TCF20: variants seen among roughly 807,000 people sequenced by gnomAD.
TCF20 encodes the protein transcription factor 20, also known as SPRE-binding protein.
In TCF20, 3 loss-of-function variants were observed where a neutral mutation model predicts 148.6. The observed-to-expected ratio is 0.02, with a 90% CI of 0.01 to 0.05. The LOEUF is 0.05. Among genes scored for constraint, TCF20 ranks in the 10% least tolerant of loss-of-function variants. The pLI, the probability that TCF20 is intolerant of heterozygous loss-of-function variation, is 1.00. For synonymous variants in TCF20, 1,049 were observed against 909.5 expected (o/e 1.15, Z -2.76); for missense variants, 2,350 against 2,429.3 (o/e 0.97, Z 0.69).
chr22:42,172,196 T>G (rs1370233072), intron 3 of TCF20, among the ~76,000 whole-genome samples: 1 of 152,220 alleles, frequency 6.6e-6, no homozygotes, highest in Non-Finnish European at 1.5e-5. Flanking sequence ...CCACAGGCCG[T>G]CAGGAAGCAC....
rs1220160967 is a variant in TCF20, at chr22:42,299,494, A to T, written c.-37+43985T>A. ...CAGGACAAAGGGGCCTCAAGGCCTC[A>T]TGAACAGAACATGCTGGCAGTGGTG... On this transcript the variant is annotated intron_variant, in intron 1 of 1. Coordinates refer to the TCF20 transcript ENST00000515426. This position sits in a 1 kb window ranked among gnomAD's most constrained non-coding sequence, Gnocchi z 4.1. Among the ~76,000 whole-genome samples the T allele has an allele frequency of 6.6e-6, 1 of 152,234 alleles. No homozygotes were observed. The highest frequency in any genetic ancestry group is 1.5e-5 in the Non-Finnish European group (1 of 68,032).
chr22:42,262,357 G>A (rs1352701418), intron 1 of TCF20, among the ~76,000 whole-genome samples: 1 of 152,150 alleles, frequency 6.6e-6, no homozygotes, highest in African/African-American at 2.4e-5. Context: ...CTTGATGATA[G>A]ATTTAGAGGT....
chr22:42,181,022 T>C (rs1936745952), intron 2 of TCF20, among the ~76,000 whole-genome samples: 2 of 152,202 alleles, frequency 1.3e-5, no homozygotes, highest in Admixed American at 1.3e-4. Flanking sequence ...AAAAGATCAT[T>C]TGGTCTGGAG....
chr22:42,164,737 AG>A (rs1178133916), intron 5 of TCF20, among the ~76,000 whole-genome samples: 5 of 152,222 alleles, frequency 3.3e-5, no homozygotes, highest in African/African-American at 1.2e-4. Context: ...AATGGAGACA[AG>A]GATTTAGAAA....
intron 1 of TCF20, among the ~76,000 whole-genome samples, chr22:42,268,771 GAAT>G (rs763145069): frequency 1.3e-5 from 2 of 152,178 alleles, no homozygotes; most frequent in Non-Finnish European, 2.9e-5. Flanking sequence ...ACCTAGGTCA[GAAT>G]AATACACTTT....
chr22:42,303,598 C>T (rs1484216685), intron 1 of TCF20, among the ~76,000 whole-genome samples: 1 of 152,248 alleles, frequency 6.6e-6, no homozygotes, highest in African/African-American at 2.4e-5. Flanking sequence ...GACTGTCTGG[C>T]CTCACCTTTA....
intron 3 of TCF20, among the ~76,000 whole-genome samples, chr22:42,175,719 C>T (rs1204124097): frequency 6.6e-6 from 1 of 152,102 alleles, no homozygotes; most frequent in Non-Finnish European, 1.5e-5. Context: ...GTAAATTACA[C>T]CTTAGACTCA....
At chr22:42,231,745 C>G (rs373861133) in intron 1 of TCF20, among the ~76,000 whole-genome samples, 2 of 151,740 alleles carry the variant, frequency 1.3e-5, no homozygotes, top group Admixed American at 1.3e-4. Flanking sequence ...CTGGCTAATA[C>G]GGTGAAACCC....
intron 1 of TCF20, among the ~76,000 whole-genome samples, chr22:42,304,049 A>C (rs1025032322): frequency 7.9e-5 from 12 of 151,828 alleles, no homozygotes; most frequent in African/African-American, 2.9e-4. Context: ...AAGAACATCA[A>C]AGCTAGGTCC....
intron 1 of TCF20, among the ~76,000 whole-genome samples, chr22:42,259,409 C>A (rs1400208115): frequency 6.6e-6 from 1 of 152,160 alleles, no homozygotes; most frequent in Non-Finnish European, 1.5e-5. Flanking sequence ...TTAATCTACC[C>A]CTAAGGGCAA....
intron 2 of TCF20, among the ~76,000 whole-genome samples, chr22:42,185,918 G>A (rs1357656380): frequency 6.6e-6 from 1 of 152,194 alleles, no homozygotes; most frequent in Non-Finnish European, 1.5e-5. Context: ...AGGCTTCCCA[G>A]TCAACCTCAG....
chr22:42,267,287 C>T (rs374455432), intron 1 of TCF20, among the ~76,000 whole-genome samples: 1 of 152,274 alleles, frequency 6.6e-6, no homozygotes, highest in South Asian at 2.1e-4. Flanking sequence ...ACAGAAAAAA[C>T]AAAACCAATT....
chr22:42,284,620 G>A (rs1926989416), upstream of TCF20, among the ~76,000 whole-genome samples: 1 of 152,218 alleles, frequency 6.6e-6, no homozygotes, highest in Non-Finnish European at 1.5e-5. Flanking sequence ...GTGAGCCCTG[G>A]CTGCCCCCTA....
At chr22:42,247,439 CAAAAAA>C (rs58249230) in intron 1 of TCF20, among the ~76,000 whole-genome samples, 1 of 87,398 alleles carries the variant, frequency 1.1e-5, no homozygotes, top group Non-Finnish European at 2.3e-5. Flanking sequence ...GACTCCATCT[CAAAAAA>C]AAAAAAAAAA....
intron 1 of TCF20, among the ~76,000 whole-genome samples, chr22:42,331,554 C>T (rs1927975480): frequency 6.6e-6 from 1 of 152,270 alleles, no homozygotes; most frequent in African/African-American, 2.4e-5. Context: ...TTGCCTCTTC[C>T]TGCCCTTGAG....
chr22:42,222,121 G>C (rs1293094223), intron 1 of TCF20, among the ~76,000 whole-genome samples: 1 of 152,184 alleles, frequency 6.6e-6, no homozygotes, highest in East Asian at 1.9e-4. Context: ...AAGGACTCTG[G>C]ACAGTGTCAC....
At position 42,270,457 on chromosome 22, in the gene TCF20, C is replaced by G. The variant is rs1390540241; in HGVS notation, c.-155G>C. 7.0e-6 allele frequency among the ~76,000 whole-genome samples: 1 copy of G among 143,644 alleles called. No homozygotes were observed. The highest frequency in any genetic ancestry group is 1.5e-5 in the Non-Finnish European group (1 of 64,780). 94.2% of individuals were successfully genotyped at this position (143,644 alleles called of 152,430 possible). On this transcript the variant is annotated 5_prime_UTR_variant, in exon 1 of 6. Coordinates refer to ENST00000677622, the MANE Select transcript of TCF20 (RefSeq NM_001378418.1). ...GTGGGGGTGGCTCCGCCGCCTCCAG[C>G]TCGGGCGCCCGGGCCGGCGGCGGGG...
chr22:42,175,862 C>CA (rs1465205038), intron 3 of TCF20, among the ~76,000 whole-genome samples: 19 of 152,262 alleles, frequency 1.2e-4, no homozygotes, highest in African/African-American at 4.3e-4. Context: ...GGCTGGAGTG[C>CA]AGTGGCCCAA....
chr22:42,213,081 C>G lies in TCF20; in HGVS notation c.2225G>C (p.Arg742Pro). Residue 742 changes from arginine to proline, a missense_variant, in exon 2 of 6, where the codon CGA (arginine) becomes CCA (proline). Physicochemically the swap from Arg to Pro is moderately radical, Grantham distance 103 (BLOSUM62 -2). Transcript: ENST00000677622. ...TGGGAATTTTTCATTTCTACCCTTT[C>G]GTTCCCCATGGCCAGTGAAATCTCC... is the stretch of plus-strand genomic sequence containing the variant. The part of the protein sequence containing the change: ...EKGDFTGHGE[R>P]KGRNEKFPSL... 1 of 1,614,154 alleles carries G rather than the reference C, an allele frequency of 6.2e-7. No homozygotes were observed. The highest frequency in any genetic ancestry group is 1.1e-5 in the South Asian group (1 of 91,090).
Sources: gnomAD v4.1 joint callset for allele counts (sites outside exome capture counted in the v4.1 genomes callset) on GRCh38, gnomAD v4.1.1 for gene constraint, Gnocchi (gnomAD v3.1) non-coding constraint, MANE v1.5 for transcripts, NCBI Gene and HGNC (gene_info 2026-07-23, HGNC 2026-07-21) for gene names.